Variants in APELA observed in about 807,000 individuals in gnomAD.
APELA encodes apelin receptor early endogenous ligand.
chr4:164,884,147 G>C (rs543868847), intron 2 of APELA, among the ~76,000 whole-genome samples: 1 of 146,026 alleles, frequency 6.8e-6, no homozygotes, highest in African/African-American at 2.6e-5. Context: ...AAGAAAGAAA[G>C]AAAGAAAGAA....
At chr4:164,880,728 A>G (rs574448535) in intron 2 of APELA, among the ~76,000 whole-genome samples, 34 of 152,352 alleles carry the variant, frequency 2.2e-4, no homozygotes, top group African/African-American at 7.9e-4. Flanking sequence ...AGATAGCCAC[A>G]TATTATCCTC....
At chr4:164,890,230 T>C (rs1008422950) in intron 2 of APELA, among the ~76,000 whole-genome samples, 1 of 152,234 alleles carries the variant, frequency 6.6e-6, no homozygotes, top group East Asian at 1.9e-4. Flanking sequence ...AGGATATGCA[T>C]GTTTAATTTT....
intron 2 of APELA, among the ~76,000 whole-genome samples, chr4:164,879,683 G>A (rs1730623351): frequency 6.6e-6 from 1 of 152,170 alleles, no homozygotes; most frequent in Non-Finnish European, 1.5e-5. Context: ...AGCCTCAAGT[G>A]ATCCACCCGC....
downstream of APELA, among the ~76,000 whole-genome samples, chr4:164,897,818 G>A (rs987928368): frequency 5.3e-5 from 8 of 152,108 alleles, no homozygotes; most frequent in African/African-American, 1.2e-4. Context: ...TTTATTCACC[G>A]GGAGGTAAAT....
At chr4:164,879,102 T>C in intron 2 of APELA, 93 bp downstream of exon 2, 1 of 397,600 alleles carries the variant, frequency 2.5e-6, no homozygotes. Context: ...TAATATGTGA[T>C]AATGGCTTAT....
intron 2 of APELA, among the ~76,000 whole-genome samples, chr4:164,892,493 C>T (rs1217478282): frequency 6.6e-6 from 1 of 152,084 alleles, no homozygotes; most frequent in South Asian, 2.1e-4. Flanking sequence ...CCCACTAAAT[C>T]ATAATGTTCT....
chr4:164,894,537 G>A (rs568741610), intron 2 of APELA, among the ~76,000 whole-genome samples: 175 of 151,692 alleles, frequency 1.2e-3, no homozygotes, highest in African/African-American at 3.8e-3. Context: ...GTGCCTCAGC[G>A]GGGAATATAG....
chr4:164,885,294 C>T (rs1579109238), intron 2 of APELA, among the ~76,000 whole-genome samples: 2 of 152,188 alleles, frequency 1.3e-5, no homozygotes, highest in East Asian at 3.9e-4. Flanking sequence ...CCACACTCAG[C>T]TAATTTGGGT....
Position 164,891,609 on chromosome 4 carries a change from G to A in APELA, c.*2-3807G>A, listed in dbSNP as rs530004886. ...TGAATTGTCCATTGCTAATGTATAG[G>A]CATATGATTGATTTTTTATTGATCT... On this transcript the variant is annotated intron_variant, in intron 2 of 2. Coordinates refer to ENST00000507152, the MANE Select transcript of APELA (RefSeq NM_001297550.2). Among the ~76,000 whole-genome samples the A allele has an allele frequency of 1.1e-4, 16 of 152,058 alleles. 1 individual carries two copies. In the South Asian group the frequency reaches 3.3e-3, roughly 32 times the overall value.
downstream of APELA, among the ~76,000 whole-genome samples, chr4:164,897,768 T>C (rs984532060): frequency 4.6e-5 from 7 of 152,378 alleles, 1 homozygote; most frequent in South Asian, 1.4e-3. Context: ...CACATATGCT[T>C]GTTGACCTAC....
chr4:164,894,619 G>C (rs1449014151), intron 2 of APELA, among the ~76,000 whole-genome samples: 2 of 151,960 alleles, frequency 1.3e-5, no homozygotes, highest in Non-Finnish European at 2.9e-5. Context: ...TGGCCAGGCT[G>C]GTCTCAAACT....
chr4:164,891,107 A>ATG (rs987586324), intron 2 of APELA, among the ~76,000 whole-genome samples: 6 of 152,184 alleles, frequency 3.9e-5, no homozygotes, highest in African/African-American at 1.2e-4. Flanking sequence ...ATATATATAT[A>ATG]TGTGTGTGTA....
intron 2 of APELA, among the ~76,000 whole-genome samples, chr4:164,879,592 G>T (rs1730621406): frequency 6.6e-6 from 1 of 152,046 alleles, no homozygotes. Flanking sequence ...CTACAGGCAT[G>T]CGCCACCACT....
chr4:164,885,530 C>A (rs1227394508), intron 2 of APELA, among the ~76,000 whole-genome samples: 1 of 151,922 alleles, frequency 6.6e-6, no homozygotes, highest in Admixed American at 6.6e-5. Flanking sequence ...CGCTTGAGGT[C>A]AGGAGTTCGA....
chr4:164,887,108 A>G (rs111741785), intron 2 of APELA, among the ~76,000 whole-genome samples: 10,346 of 152,218 alleles, frequency 0.068, 407 homozygotes, highest in Middle Eastern at 0.13. Context: ...GATTACAGGC[A>G]TGAGCCACTG....
Position 164,896,670 on chromosome 4 carries a change from G to A in APELA, c.*1256G>A, listed in dbSNP as rs1293060643. ...ATTTGAATTGTGTTGATAACTAGGT[G>A]TTCCCCAGATGCTAAGATGTTCTTA... is the stretch of plus-strand genomic sequence containing the variant. On this transcript the variant is annotated 3_prime_UTR_variant, in exon 3 of 3. Coordinates refer to ENST00000507152, the MANE Select transcript of APELA (RefSeq NM_001297550.2). 1 of 151,986 alleles carries A rather than the reference G, an allele frequency of 6.6e-6. No individual in the cohort carries two copies. The highest frequency in any genetic ancestry group is 2.4e-5 in the African/African-American group (1 of 41,372). 9.4% of individuals were successfully genotyped at this position (151,986 alleles called of 1,614,324 possible). A position where few individuals can be genotyped will look rare whatever the true frequency, so the allele number is the denominator to read the frequency against.
rs1342356120 is a variant in APELA, at chr4:164,895,923, T to C, written c.*509T>C. The C allele has an allele frequency of 3.9e-5, 6 of 152,182 alleles. No homozygotes were observed. The allele number at this position is 152,182 out of a possible 1,614,324, so 9.4% of individuals were successfully genotyped here. On this transcript the variant is annotated 3_prime_UTR_variant, in exon 3 of 3. Coordinates refer to ENST00000507152, the MANE Select transcript of APELA (RefSeq NM_001297550.2). ...CAATAGGGAGAAAATAATTGGTTCATTGATTATATAGAGAGAAAGACTAAG... is the reference window on the plus strand; with the variant it reads ...CAATAGGGAGAAAATAATTGGTTCACTGATTATATAGAGAGAAAGACTAAG...
At position 164,878,114 on chromosome 4, in the gene APELA, T is replaced by C. The variant is rs1240401170; in HGVS notation, c.76+707T>C. The stretch of plus-strand genomic sequence containing the variant: ...TTACTTCAAAACCAAACAGCTAAGA[T>C]TTCAAAGAACCAGTAAGTTTGAAAA... On this transcript the variant is annotated intron_variant, in intron 1 of 2. Transcript: ENST00000507152. 1.5e-5 allele frequency among the ~76,000 whole-genome samples: 2 copies of C among 133,276 alleles called. 1 individual carries two copies. The highest frequency in any genetic ancestry group is 3.2e-5 in the Non-Finnish European group (2 of 62,606). The allele number at this position is 133,276 out of a possible 152,430, so 87.4% of individuals were successfully genotyped here.
chr4:164,887,139 T>C (rs1730790667), intron 2 of APELA, among the ~76,000 whole-genome samples: 1 of 152,196 alleles, frequency 6.6e-6, no homozygotes, highest in South Asian at 2.1e-4. Flanking sequence ...GTTTTCTTCA[T>C]TTTAAAAACT....
Sources: gnomAD v4.1 joint callset for allele counts (sites outside exome capture counted in the v4.1 genomes callset) on GRCh38, gnomAD v4.1.1 for gene constraint, MANE v1.5 for transcripts, NCBI Gene and HGNC (gene_info 2026-07-23, HGNC 2026-07-21) for gene names.